Variants in DLGAP1 observed in about 807,000 individuals in gnomAD.
DLGAP1 encodes DLG associated protein 1, also known as disks large-associated protein 1.
Under a neutral mutation model 90.8 loss-of-function variants are expected in DLGAP1, and 11 were observed. The ratio of observed to expected loss-of-function variants is 0.12; its 90% CI spans 0.08 to 0.20. The LOEUF is 0.20. DLGAP1 is among the 10% of genes least tolerant of loss of function. The probability of loss-of-function intolerance (pLI) is 1.00; values close to 1 mark genes in which losing one functional copy is unlikely to be tolerated. For missense variants in DLGAP1, 1,050 were observed against 1,333.8 expected (o/e 0.79, Z 3.31); for synonymous variants, 558 against 540.7 (o/e 1.03, Z -0.44).
intron 5 of DLGAP1, among the ~76,000 whole-genome samples, chr18:3,776,985 G>T (rs540845102): frequency 1.4e-5 from 2 of 147,134 alleles, no homozygotes; most frequent in Non-Finnish European, 3.0e-5. Flanking sequence ...TAGAGACAGG[G>T]TCTCACTATG....
chr18:4,384,731 T>C (rs2082196657), intron 1 of DLGAP1, among the ~76,000 whole-genome samples: 1 of 152,110 alleles, frequency 6.6e-6, no homozygotes, highest in African/African-American at 2.4e-5. Flanking sequence ...GGCTAGACCC[T>C]GTAATTTCAC....
chr18:3,752,445 C>T (rs893027205), intron 5 of DLGAP1, among the ~76,000 whole-genome samples: 2 of 152,038 alleles, frequency 1.3e-5, no homozygotes, highest in Non-Finnish European at 2.9e-5. Flanking sequence ...TGGAATCATA[C>T]AATCCGTGGC....
intron 1 of DLGAP1, among the ~76,000 whole-genome samples, chr18:4,405,236 G>C (rs1193169182): frequency 6.6e-6 from 1 of 152,120 alleles, no homozygotes; most frequent in Non-Finnish European, 1.5e-5. Context: ...TAATGCCATA[G>C]GTATCCCTCA....
intron 3 of DLGAP1, among the ~76,000 whole-genome samples, chr18:3,916,793 GT>G (rs2072154642): frequency 6.6e-6 from 1 of 152,146 alleles, no homozygotes; most frequent in Admixed American, 6.5e-5. Flanking sequence ...GCTGATCGTT[GT>G]AGCAGGGATG....
At chr18:4,208,773 G>C (rs2077775689) in intron 1 of DLGAP1, among the ~76,000 whole-genome samples, 1 of 152,096 alleles carries the variant, frequency 6.6e-6, no homozygotes, top group African/African-American at 2.4e-5. Flanking sequence ...GAGAAAGAGA[G>C]AGGGAGAGAG....
rs188275634 is a variant in DLGAP1, at chr18:3,678,669, A to T, written c.1591+50466T>A. ...GAAAGCAAAATAGGGCAAAATAAAC[A>T]TTACAATGTTCTGATAGGTTATTAT... On this transcript the variant is annotated intron_variant, in intron 7 of 12. Coordinates refer to ENST00000315677, the MANE Select transcript of DLGAP1 (RefSeq NM_004746.4). 2.1e-3 allele frequency among the ~76,000 whole-genome samples: 325 copies of T among 152,346 alleles called. 1 individual carries two copies. Among genetic ancestry groups the T allele is most frequent in the Middle Eastern group, 0.014 (4 of 294 alleles).
At chr18:3,657,038 AT>A (rs1337951902) in intron 7 of DLGAP1, among the ~76,000 whole-genome samples, 1 of 152,184 alleles carries the variant, frequency 6.6e-6, no homozygotes, top group African/African-American at 2.4e-5. Flanking sequence ...GAGCCACCAC[AT>A]TTGGCTTTTC....
At chr18:3,849,201 C>A (rs901872059) in intron 4 of DLGAP1, among the ~76,000 whole-genome samples, 1 of 152,092 alleles carries the variant, frequency 6.6e-6, no homozygotes, top group Non-Finnish European at 1.5e-5. Context: ...AGTCAATATG[C>A]GATTATCTAA....
intron 4 of DLGAP1, among the ~76,000 whole-genome samples, chr18:3,823,003 C>A (rs1021647828): frequency 2.6e-5 from 4 of 152,126 alleles, no homozygotes; most frequent in Non-Finnish European, 4.4e-5. Context: ...GATGTAGGGA[C>A]AGGAAGGGAA....
chr18:3,831,846 T>A (rs772581794), intron 4 of DLGAP1, among the ~76,000 whole-genome samples: 1 of 152,226 alleles, frequency 6.6e-6, no homozygotes, highest in African/African-American at 2.4e-5. Flanking sequence ...AAGACAAACA[T>A]GAAGGAATGG....
At chr18:3,619,816 T>C (rs4798108) in intron 7 of DLGAP1, among the ~76,000 whole-genome samples, 38,518 of 147,406 alleles carry the variant, frequency 0.26, 5,795 homozygotes, top group South Asian at 0.4. Flanking sequence ...TTTTGTTTTT[T>C]GTTTTTTGAG....
intron 7 of DLGAP1, among the ~76,000 whole-genome samples, chr18:3,588,232 GC>G (rs1386433107): frequency 1.3e-5 from 2 of 152,216 alleles, no homozygotes; most frequent in Non-Finnish European, 2.9e-5. Context: ...GGCTGAGGCG[GC>G]CAGATCACCT....
intron 4 of DLGAP1, among the ~76,000 whole-genome samples, chr18:3,819,265 G>A (rs868349318): frequency 1.6e-4 from 25 of 152,028 alleles, no homozygotes; most frequent in African/African-American, 5.1e-4. Context: ...AGCTGAGATC[G>A]TGCCACTGCG....
At chr18:3,970,433 G>C (rs1192634872) in intron 3 of DLGAP1, among the ~76,000 whole-genome samples, 2 of 152,158 alleles carry the variant, frequency 1.3e-5, no homozygotes, top group African/African-American at 4.8e-5. Context: ...CAAAGAAAGA[G>C]AGCTTTGGTA....
At chr18:3,610,642 C>T (rs2057561274) in intron 7 of DLGAP1, among the ~76,000 whole-genome samples, 2 of 151,920 alleles carry the variant, frequency 1.3e-5, no homozygotes, top group Middle Eastern at 3.4e-3. Flanking sequence ...AAAGACCAGC[C>T]TGGCAAGCAT....
intron 5 of DLGAP1, among the ~76,000 whole-genome samples, chr18:3,781,054 C>G (rs1044553482): frequency 6.6e-6 from 1 of 152,126 alleles, no homozygotes; most frequent in African/African-American, 2.4e-5. Context: ...TCTTGAACCC[C>G]TGGGCTTAAG....
intron 2 of DLGAP1, among the ~76,000 whole-genome samples, chr18:4,075,112 TC>T (rs2075504131): frequency 6.6e-6 from 1 of 152,202 alleles, no homozygotes; most frequent in African/African-American, 2.4e-5. Flanking sequence ...AATAGGATTT[TC>T]CTCTTGTTTA....
intron 10 of DLGAP1, 22 bp downstream of exon 10, chr18:3,534,172 G>A: frequency 6.2e-7 from 1 of 1,600,400 alleles, no homozygotes; most frequent in Non-Finnish European, 8.5e-7. Flanking sequence ...GGACGGGTGT[G>A]GCACGTGGTG....
chr18:3,506,692 T>C (rs1433817560), intron 11 of DLGAP1, among the ~76,000 whole-genome samples: 2 of 152,214 alleles, frequency 1.3e-5, no homozygotes, highest in Non-Finnish European at 2.9e-5. Flanking sequence ...TGTTGTGTTT[T>C]CCCTGTATCG....
Sources: allele counts gnomAD v4.1 joint callset (sites outside exome capture counted in the v4.1 genomes callset), GRCh38; gene constraint gnomAD v4.1.1; transcripts MANE v1.5; gene names NCBI Gene and HGNC (gene_info 2026-07-23, HGNC 2026-07-21).